The following IL19 variants were observed in gnomAD, a reference collection of about 807,000 sequenced individuals.
IL19 encodes the protein interleukin 19.
Under a neutral mutation model 19.5 loss-of-function variants are expected in IL19, and 15 were observed. The observed-to-expected ratio is 0.77, with a 90% CI of 0.52 to 1.19. IL19 has a LOEUF of 1.19. Ranked by LOEUF, IL19 falls within the 50% of genes most tolerant of loss-of-function variation. The probability of loss-of-function intolerance (pLI) is 0.00; values close to 1 mark genes in which losing one functional copy is unlikely to be tolerated. For missense variants in IL19, 199 were observed against 213.1 expected, an observed-to-expected ratio of 0.93 and a Z score of 0.41; for synonymous variants, 78 against 78.3, an observed-to-expected ratio of 1.00 and a Z score of 0.02.
At chr1:206,799,390 T>C (rs566838091) in intron 2 of IL19, among the ~76,000 whole-genome samples, 1 of 152,260 alleles carries the variant, frequency 6.6e-6, no homozygotes, top group Middle Eastern at 3.4e-3. Flanking sequence ...GGGAATTTAC[T>C]GTAAGGAGCC....
In IL19 at chr1:206,798,260, C is replaced by T. The variant is rs144370281; in HGVS notation, c.-148-601C>T. On this transcript the variant is annotated intron_variant, in intron 1 of 6. Transcript: ENST00000659997. ...CCTAGTTCACATTCTTCACCTGGCCCGTTGTTCCATCCAGTCTTGACCTCG... is the reference window on the plus strand; with the variant it reads ...CCTAGTTCACATTCTTCACCTGGCCTGTTGTTCCATCCAGTCTTGACCTCG... Among the ~76,000 whole-genome samples the T allele has an allele frequency of 1.7e-3, 256 of 152,260 alleles. 1 individual carries two copies. The highest frequency in any genetic ancestry group is 5.8e-4 in the East Asian group (3 of 5,180).
intron 2 of IL19, among the ~76,000 whole-genome samples, chr1:206,815,808 G>A (rs1480633612): frequency 6.6e-6 from 1 of 152,132 alleles, no homozygotes; most frequent in African/African-American, 2.4e-5. Flanking sequence ...AGATGGCAAA[G>A]CAGTATCTTT....
intron 2 of IL19, among the ~76,000 whole-genome samples, chr1:206,819,021 C>T (rs1285000715): frequency 2.0e-5 from 3 of 151,524 alleles, no homozygotes; most frequent in Non-Finnish European, 4.4e-5. Flanking sequence ...CTGTGTTGGC[C>T]AGGCTGGTCT....
intron 4 of IL19, among the ~76,000 whole-genome samples, chr1:206,837,929 C>T (rs1477525094): frequency 6.6e-6 from 1 of 152,152 alleles, no homozygotes; most frequent in Non-Finnish European, 1.5e-5. Flanking sequence ...AGAAGTGCCG[C>T]TTCCTAGAGA....
At chr1:206,800,110 T>C (rs1390166603) in intron 2 of IL19, among the ~76,000 whole-genome samples, 2 of 152,268 alleles carry the variant, frequency 1.3e-5, no homozygotes, top group African/African-American at 2.4e-5. Flanking sequence ...CACTGAATTG[T>C]CCAGGCTTGA....
intron 1 of IL19, among the ~76,000 whole-genome samples, chr1:206,795,937 G>C (rs1380123722): frequency 6.6e-6 from 1 of 151,374 alleles, no homozygotes; most frequent in Admixed American, 6.6e-5. Flanking sequence ...ATGTGTGTGT[G>C]TGTGTGTGTG....
intron 6 of IL19, among the ~76,000 whole-genome samples, chr1:206,841,944 C>T (rs920716524): frequency 6.6e-6 from 1 of 152,210 alleles, no homozygotes; most frequent in African/African-American, 2.4e-5. Flanking sequence ...CAATTCCACG[C>T]TGGCTGGCTC....
At chr1:206,824,738 T>C (rs1460771939) in intron 2 of IL19, among the ~76,000 whole-genome samples, 1 of 152,150 alleles carries the variant, frequency 6.6e-6, no homozygotes, top group Non-Finnish European at 1.5e-5. Flanking sequence ...CCAGCAAGTG[T>C]GAAAGTTATA....
At chr1:206,814,882 C>T (rs1676113068) in intron 2 of IL19, among the ~76,000 whole-genome samples, 1 of 152,088 alleles carries the variant, frequency 6.6e-6, no homozygotes, top group South Asian at 2.1e-4. Flanking sequence ...AGGAAACAAC[C>T]CTGGATCACA....
At chr1:206,830,231 C>T (rs1209329912) in intron 2 of IL19, among the ~76,000 whole-genome samples, 1 of 152,148 alleles carries the variant, frequency 6.6e-6, no homozygotes, top group Non-Finnish European at 1.5e-5. Flanking sequence ...TTCTCTATTT[C>T]TTCATCACTG....
At chr1:206,789,064 C>T (rs945703902) in intron 1 of IL19, among the ~76,000 whole-genome samples, 1 of 152,126 alleles carries the variant, frequency 6.6e-6, no homozygotes, top group African/African-American at 2.4e-5. Flanking sequence ...GCTAGAGTGA[C>T]CTTTTCCTTT....
At chr1:206,837,395 G>A (rs1054728716) in intron 4 of IL19, among the ~76,000 whole-genome samples, 3 of 152,104 alleles carry the variant, frequency 2.0e-5, no homozygotes, top group Non-Finnish European at 2.9e-5. Context: ...AATTTGGGCA[G>A]GATAAGATAA....
chr1:206,783,463 T>G (rs1675193564), intron 1 of IL19, among the ~76,000 whole-genome samples: 1 of 152,248 alleles, frequency 6.6e-6, no homozygotes, highest in Non-Finnish European at 1.5e-5. Context: ...GATCTGAGAC[T>G]GTTCCCAGCA....
At chr1:206,835,945 G>A (rs1676776825) in intron 2 of IL19, among the ~76,000 whole-genome samples, 1 of 152,224 alleles carries the variant, frequency 6.6e-6, no homozygotes, top group Admixed American at 6.5e-5. Flanking sequence ...ACCTCTCAGG[G>A]TCTGGCCCTG....
At chr1:206,836,562 G>T in intron 2 of IL19, 99 bp from the exon 3 acceptor site, 5 of 1,116,000 alleles carry the variant, frequency 4.5e-6, no homozygotes, top group Non-Finnish European at 3.9e-6. Context: ...TATTCCTCCC[G>T]GCTTGCCTTC....
At chr1:206,833,818 G>A (rs2102484809) in intron 2 of IL19, 2 of 985,490 alleles carry the variant, frequency 2.0e-6, no homozygotes, top group South Asian at 9.4e-5. Context: ...CTTTATGAGG[G>A]GAAAAAGTGT....
intron 2 of IL19, among the ~76,000 whole-genome samples, chr1:206,801,074 G>A (rs949360933): frequency 2.6e-5 from 4 of 151,852 alleles, no homozygotes; most frequent in African/African-American, 7.3e-5. Flanking sequence ...GAAAGCACTG[G>A]ATCTTCTAAC....
At chr1:206,781,522 C>T (rs1675130849) in intron 1 of IL19, among the ~76,000 whole-genome samples, 2 of 151,510 alleles carry the variant, frequency 1.3e-5, no homozygotes, top group East Asian at 1.9e-4. Flanking sequence ...CTGGTCCTTA[C>T]CTCTAAAACG....
intron 2 of IL19, among the ~76,000 whole-genome samples, chr1:206,830,611 C>T (rs7513988): frequency 0.71 from 107,039 of 151,758 alleles, 38,559 homozygotes; most frequent in Non-Finnish European, 0.79. Context: ...TGGAGTCTTG[C>T]TCTGTTGCCC....
Sources: allele counts gnomAD v4.1 joint callset (sites outside exome capture counted in the v4.1 genomes callset), GRCh38; gene constraint gnomAD v4.1.1; transcripts MANE v1.5; gene names NCBI Gene and HGNC (gene_info 2026-07-23, HGNC 2026-07-21).